The following ZNF800 variants were observed in gnomAD, a reference collection of about 807,000 sequenced individuals.
ZNF800 encodes the protein zinc finger protein 800.
ZNF800 carries 13 observed loss-of-function variants against 59.5 expected under a neutral mutation model. The ratio of observed to expected loss-of-function variants is 0.22; its 90% confidence interval spans 0.14 to 0.35. ZNF800 has a LOEUF of 0.35. Ranked by LOEUF, ZNF800 falls within the 10% of genes least tolerant of loss-of-function variation. The pLI, the probability that ZNF800 is intolerant of heterozygous loss-of-function variation, is 1.00. For missense variants in ZNF800, 621 were observed against 783.7 expected (o/e 0.79, Z 2.48); for synonymous variants, 266 against 265.7 (o/e 1.00, Z -0.01).
intron 3 of ZNF800, among the ~76,000 whole-genome samples, chr7:127,384,046 A>G (rs1389792245): frequency 6.6e-6 from 1 of 152,110 alleles, no homozygotes; most frequent in African/African-American, 2.4e-5. Flanking sequence ...GAGAACAGAT[A>G]TGATCACAAC....
At chr7:127,384,877 A>G (rs1309524528) in intron 3 of ZNF800, among the ~76,000 whole-genome samples, 2 of 152,166 alleles carry the variant, frequency 1.3e-5, no homozygotes, top group Non-Finnish European at 2.9e-5. Context: ...AAAATCAAAC[A>G]ACAAAAAATC....
chr7:127,356,097 T>C (rs1377237021), intron 1 of ZNF800, among the ~76,000 whole-genome samples: 5 of 152,018 alleles, frequency 3.3e-5, no homozygotes, highest in Non-Finnish European at 7.4e-5. Flanking sequence ...GTTTTAACTA[T>C]ATGAAAAAAT....
chr7:127,366,153 T>C (rs1196131331), downstream of ZNF800, among the ~76,000 whole-genome samples: 1 of 152,054 alleles, frequency 6.6e-6, no homozygotes, highest in Non-Finnish European at 1.5e-5. Context: ...TCTTGACTCT[T>C]AAAAAATCCG....
intron 3 of ZNF800, among the ~76,000 whole-genome samples, chr7:127,384,071 ATTAAT>A (rs1801055330): frequency 6.6e-6 from 1 of 151,986 alleles, no homozygotes; most frequent in Non-Finnish European, 1.5e-5. Flanking sequence ...TAAGAAAATA[ATTAAT>A]TTAATCTTTA....
intron 1 of ZNF800, 32 bp downstream of exon 1, chr7:127,392,028 C>T (rs1486913264): frequency 1.0e-5 from 4 of 387,798 alleles, no homozygotes; most frequent in Non-Finnish European, 1.8e-5. Context: ...TGGCGGAGAC[C>T]CCGTCCCCAC....
chr7:127,369,057 T>C (rs541153540), downstream of ZNF800, among the ~76,000 whole-genome samples: 5 of 146,766 alleles, frequency 3.4e-5, no homozygotes, highest in African/African-American at 1.3e-4. Flanking sequence ...AAAGAAATGG[T>C]TGTTGTGTAT....
downstream of ZNF800, among the ~76,000 whole-genome samples, chr7:127,346,632 A>G (rs761104143): frequency 2.0e-5 from 3 of 152,218 alleles, no homozygotes; most frequent in Non-Finnish European, 4.4e-5. Flanking sequence ...GTGAGCAAGG[A>G]ATCTAGGATA....
At position 127,385,828 on chromosome 7, in the gene ZNF800, T is replaced by C. The variant is rs140308011; in HGVS notation, c.157+232A>G. Among the ~76,000 whole-genome samples the C allele has an allele frequency of 3.9e-3, 601 of 152,236 alleles. 5 individuals are homozygous for C. The highest frequency in any genetic ancestry group is 0.029 in the South Asian group (140 of 4,832). On this transcript the variant is annotated intron_variant, in intron 3 of 5. Transcript: ENST00000265827. The stretch of plus-strand genomic sequence containing the variant: ...CCACATAATATATTTATTTAAATCA[T>C]ACTAAACAAATTTATTTTAAAATTA...
At chr7:127,388,833 A>C (rs1801221476) in intron 2 of ZNF800, among the ~76,000 whole-genome samples, 1 of 152,180 alleles carries the variant, frequency 6.6e-6, no homozygotes, top group South Asian at 2.1e-4. Flanking sequence ...CCCACTCTAA[A>C]GAAACAATTC....
chr7:127,392,120 G>A lies in ZNF800; in HGVS notation c.-119C>T. ...GAAGGAAGGCAGGCCGGGCGGCCGC[G>A]GGGACAGCCTGGCGTGGGAGGCGGC... On this transcript the variant is annotated 5_prime_UTR_variant, in exon 1 of 6. Coordinates refer to ENST00000265827, the MANE Select transcript of ZNF800 (RefSeq NM_176814.5). The A allele has an allele frequency of 2.5e-6, 1 of 393,744 alleles. No homozygotes were observed. The highest frequency in any genetic ancestry group is 3.6e-5 in the East Asian group (1 of 27,738). The allele number at this position is 393,744 out of a possible 1,614,324, so 24.4% of individuals were successfully genotyped here. A position where few individuals can be genotyped will look rare whatever the true frequency, so the allele number is the denominator to read the frequency against.
intron 2 of ZNF800, among the ~76,000 whole-genome samples, chr7:127,387,190 A>AGGG (rs1801162665): frequency 6.6e-6 from 1 of 152,208 alleles, no homozygotes; most frequent in Non-Finnish European, 1.5e-5. Context: ...AGACAACAGA[A>AGGG]AAGGAAAACT....
chr7:127,378,507 G>C (rs1477074561), intron 3 of ZNF800, among the ~76,000 whole-genome samples: 1 of 152,078 alleles, frequency 6.6e-6, no homozygotes, highest in African/African-American at 2.4e-5. Flanking sequence ...GGTGCAAAGT[G>C]TTGTGTCATT....
chr7:127,366,528 T>C (rs1800509860), downstream of ZNF800, among the ~76,000 whole-genome samples: 1 of 152,114 alleles, frequency 6.6e-6, no homozygotes, highest in Non-Finnish European at 1.5e-5. Flanking sequence ...GAAAAGGAAA[T>C]GCAGATACTG....
Position 127,374,790 on chromosome 7 carries a change from C to T in ZNF800, c.546G>A (p.Pro182=), listed in dbSNP as rs779021261. 26 of 1,613,318 alleles carry T rather than the reference C, an allele frequency of 1.6e-5. No individual in the cohort carries two copies. The highest frequency in any genetic ancestry group is 1.7e-4 in the Middle Eastern group (1 of 6,056). Reference sequence around the variant, plus strand: ...CAGTTTCCACCTCTGTATCTGTAACCGGTACTGTTTTTGACTGTTCAGTGC... The same window carrying T: ...CAGTTTCCACCTCTGTATCTGTAACTGGTACTGTTTTTGACTGTTCAGTGC... ...ETSTEQSKTV[P]VTDTEVETVE... is the part of the protein sequence containing the mutation. Residue 182 remains proline (P), a synonymous_variant, in exon 5 of 6, where the codon CCG becomes CCA. Transcript: ENST00000265827.
chr7:127,368,406 C>T (rs1325983111), downstream of ZNF800, among the ~76,000 whole-genome samples: 1 of 152,062 alleles, frequency 6.6e-6, no homozygotes, highest in East Asian at 1.9e-4. Flanking sequence ...AAGGATTTGT[C>T]TAACAGCACA....
Position 127,374,562 on chromosome 7 carries a change from T to G in ZNF800, c.774A>C (p.Glu258Asp). 1 of 1,614,170 alleles carries G rather than the reference T, an allele frequency of 6.2e-7. No homozygotes were observed. The highest frequency in any genetic ancestry group is 1.1e-5 in the South Asian group (1 of 91,082). ...HIRKVHKKKM[E>D]ELKKYIETRK... is the part of the protein sequence containing the mutation. The stretch of plus-strand genomic sequence containing the variant: ...GTGTTTCAATGTACTTTTTTAGTTC[T>G]TCCATCTTTTTCTTGTGTACTTTTC... Residue 258 changes from glutamate to aspartate, a missense_variant, in exon 5 of 6, where the codon GAA becomes GAC. Physicochemically the swap from Glu to Asp is conservative, Grantham distance 45 (BLOSUM62 2). Coordinates refer to ENST00000265827, the MANE Select transcript of ZNF800 (RefSeq NM_176814.5).
chr7:127,361,752 T>G (rs1443360873), intron 1 of ZNF800: 1 of 152,070 alleles, frequency 6.6e-6, no homozygotes, highest in African/African-American at 2.4e-5. Context: ...GTAAAGAAAT[T>G]TAAAAGTCCA....
intron 3 of ZNF800, among the ~76,000 whole-genome samples, chr7:127,385,060 AT>A (rs1801097649): frequency 6.6e-6 from 1 of 152,236 alleles, no homozygotes; most frequent in South Asian, 2.1e-4. Flanking sequence ...TTCAGATTCT[AT>A]TTCTTAGAAT....
At chr7:127,357,221 T>C (rs1800288430) in intron 1 of ZNF800, among the ~76,000 whole-genome samples, 1 of 152,060 alleles carries the variant, frequency 6.6e-6, no homozygotes, top group African/African-American at 2.4e-5. Flanking sequence ...AGAAACAGTT[T>C]TATCGTTAGG....
Sources: gnomAD v4.1 joint callset for allele counts (sites outside exome capture counted in the v4.1 genomes callset) on GRCh38, gnomAD v4.1.1 for gene constraint, MANE v1.5 for transcripts, NCBI Gene and HGNC (gene_info 2026-07-23, HGNC 2026-07-21) for gene names.